Variants in LRBA observed in about 807,000 individuals in gnomAD.
LRBA encodes lipopolysaccharide-responsive and beige-like anchor protein.
A neutral mutation model predicts 330.0 loss-of-function variants in LRBA; 176 were observed. The ratio of observed to expected loss-of-function variants is 0.53; its 90% CI spans 0.47 to 0.60. The LOEUF (loss-of-function observed/expected upper bound fraction) is 0.60, where lower values mean the gene tolerates loss of function less well. Among genes scored for constraint, LRBA ranks in the 20% least tolerant of loss-of-function variants. The pLI is 0.00. For synonymous variants in LRBA, 1,230 were observed against 1,193.0 expected, an observed-to-expected ratio of 1.03 and a Z score of -0.64; for missense variants, 3,259 against 3,444.8, an observed-to-expected ratio of 0.95 and a Z score of 1.35.
At position 150,999,717 on chromosome 4, in the gene LRBA, A is replaced by C. The variant is rs562456574; in HGVS notation, c.216+14710T>G. On this transcript the variant is annotated intron_variant, in intron 2 of 56. Coordinates refer to ENST00000651943, the MANE Select transcript of LRBA (RefSeq NM_001364905.1). ...GACAAATTTAAAAAACAAAACAAAAAAAAAAACAATTTCAGGTATAATATA... is the reference window on the plus strand; with the variant it reads ...GACAAATTTAAAAAACAAAACAAAACAAAAAACAATTTCAGGTATAATATA... 5.6e-3 allele frequency among the ~76,000 whole-genome samples: 849 copies of C among 152,228 alleles called. 4 individuals carry two copies. Among genetic ancestry groups the C allele is most frequent in the African/African-American group, 0.019 (774 of 41,504 alleles).
intron 46 of LRBA, among the ~76,000 whole-genome samples, chr4:150,431,858 A>G (rs1484014056): frequency 6.6e-6 from 1 of 152,136 alleles, no homozygotes; most frequent in Non-Finnish European, 1.5e-5. Flanking sequence ...TGATGCAGAG[A>G]AATACAAATT....
At chr4:150,878,811 C>T (rs1161249287) in intron 17 of LRBA, among the ~76,000 whole-genome samples, 1 of 151,060 alleles carries the variant, frequency 6.6e-6, no homozygotes, top group Non-Finnish European at 1.5e-5. Flanking sequence ...GGATTGAGCT[C>T]CGAAACTGTA....
chr4:150,832,034 T>C (rs1267494297), intron 28 of LRBA, 58 bp from the exon 29 acceptor site: 1 of 1,044,360 alleles, frequency 9.6e-7, no homozygotes, highest in Non-Finnish European at 1.3e-6. Flanking sequence ...TCATTATATT[T>C]TACATCACAA....
At chr4:150,912,439 C>T (rs565909214) in intron 9 of LRBA, among the ~76,000 whole-genome samples, 15 of 152,322 alleles carry the variant, frequency 9.8e-5, no homozygotes, top group Non-Finnish European at 1.2e-4. Context: ...TCCCATCACC[C>T]CCGGATGGAA....
At chr4:150,562,560 T>C (rs539101957) in intron 40 of LRBA, among the ~76,000 whole-genome samples, 1 of 152,232 alleles carries the variant, frequency 6.6e-6, no homozygotes, top group South Asian at 2.1e-4. Flanking sequence ...GGTCTTAACC[T>C]CCTGGTATGC....
intron 46 of LRBA, among the ~76,000 whole-genome samples, chr4:150,421,911 T>C (rs1020668347): frequency 3.3e-5 from 5 of 152,064 alleles, no homozygotes; most frequent in African/African-American, 1.2e-4. Flanking sequence ...TGACTTTTCC[T>C]GCTTTCAAAA....
intron 37 of LRBA, among the ~76,000 whole-genome samples, chr4:150,649,217 C>T (rs1188397692): frequency 6.6e-6 from 1 of 152,204 alleles, no homozygotes; most frequent in Non-Finnish European, 1.5e-5. Context: ...CTTCCTGAAA[C>T]ATAGTTCTTA....
chr4:150,317,704 G>T (rs922377118), intron 50 of LRBA, among the ~76,000 whole-genome samples: 2 of 152,110 alleles, frequency 1.3e-5, no homozygotes, highest in African/African-American at 4.8e-5. Flanking sequence ...TGAGATCTTA[G>T]AAACATTTAA....
chr4:150,904,932 A>G (rs1731160013), intron 13 of LRBA, among the ~76,000 whole-genome samples: 1 of 152,148 alleles, frequency 6.6e-6, no homozygotes, highest in Non-Finnish European at 1.5e-5. Flanking sequence ...AATGATAAAC[A>G]CTGCAAGTGG....
intron 40 of LRBA, among the ~76,000 whole-genome samples, chr4:150,562,563 T>C (rs1351516059): frequency 2.0e-5 from 3 of 152,170 alleles, no homozygotes; most frequent in Non-Finnish European, 4.4e-5. Context: ...CTTAACCTCC[T>C]GGTATGCAAA....
chr4:150,411,302 T>C (rs996445302), intron 47 of LRBA, among the ~76,000 whole-genome samples: 1 of 152,192 alleles, frequency 6.6e-6, no homozygotes, highest in Non-Finnish European at 1.5e-5. Context: ...TAAGAGTCGT[T>C]GGGTGAGACA....
At position 150,728,737 on chromosome 4, in the gene LRBA, C is replaced by T. The variant is rs536621150; in HGVS notation, c.5754+6521G>A. On this transcript the variant is annotated intron_variant, in intron 36 of 56. Transcript: ENST00000651943. Reference sequence around the variant, plus strand: ...AAGCCATATATGACAGACCCACAACCAGTATCATACTGAATGGAGAAAACT... The same window carrying T: ...AAGCCATATATGACAGACCCACAACTAGTATCATACTGAATGGAGAAAACT... Among the ~76,000 whole-genome samples the T allele has an allele frequency of 2.6e-5, 4 of 151,838 alleles. No individual in the cohort carries two copies. The East Asian group carries it at 5.8e-4, about 22-fold the overall frequency.
chr4:150,396,864 A>G (rs907690883), intron 47 of LRBA, among the ~76,000 whole-genome samples: 3 of 152,164 alleles, frequency 2.0e-5, no homozygotes, highest in African/African-American at 7.2e-5. Flanking sequence ...CACACACATA[A>G]ACATATATAG....
At chr4:151,002,096 A>G (rs1322050655) in intron 2 of LRBA, among the ~76,000 whole-genome samples, 1 of 151,938 alleles carries the variant, frequency 6.6e-6, no homozygotes, top group African/African-American at 2.4e-5. Context: ...TCTTCAAATA[A>G]AAAGTCCTCC....
chr4:150,599,946 T>C (rs1773948077), intron 37 of LRBA, among the ~76,000 whole-genome samples: 1 of 152,172 alleles, frequency 6.6e-6, no homozygotes, highest in Admixed American at 6.5e-5. Flanking sequence ...CAATAATTGC[T>C]ATATCAAAAG....
At chr4:150,849,768 C>T (rs570313086) in intron 24 of LRBA, among the ~76,000 whole-genome samples, 193 bp from the exon 25 acceptor site, 9 of 152,156 alleles carry the variant, frequency 5.9e-5, no homozygotes, top group Non-Finnish European at 1.2e-4. Flanking sequence ...AGTTACTATC[C>T]ATGCCCTCCT....
chr4:150,370,206 AT>A (rs1177208688), intron 47 of LRBA, among the ~76,000 whole-genome samples: 3 of 152,174 alleles, frequency 2.0e-5, no homozygotes, highest in African/African-American at 4.8e-5. Context: ...TGAGAGGAAA[AT>A]TTATGCTCAC....
intron 35 of LRBA, among the ~76,000 whole-genome samples, chr4:150,736,326 T>C (rs1275225491): frequency 5.3e-5 from 8 of 152,094 alleles, no homozygotes; most frequent in Non-Finnish European, 8.8e-5. Context: ...GACAATATCA[T>C]ACGAATGGAA....
At chr4:150,751,849 C>CA (rs1427850198) in intron 35 of LRBA, among the ~76,000 whole-genome samples, 1 of 152,116 alleles carries the variant, frequency 6.6e-6, no homozygotes, top group Non-Finnish European at 1.5e-5. Context: ...AACTACATTA[C>CA]AGCCCATTGT....
Sources: allele counts gnomAD v4.1 joint callset (sites outside exome capture counted in the v4.1 genomes callset), GRCh38; gene constraint gnomAD v4.1.1; transcripts MANE v1.5; gene names NCBI Gene and HGNC (gene_info 2026-07-23, HGNC 2026-07-21).